Variants in YPEL1 observed in about 807,000 individuals in gnomAD.
YPEL1 encodes yippee like 1, also known as protein yippee-like 1.
YPEL1 carries 7 observed loss-of-function variants against 17.3 expected under a neutral mutation model. The observed-to-expected ratio is 0.40, with a 90% CI of 0.23 to 0.76. The LOEUF (loss-of-function observed/expected upper bound fraction) is 0.76. YPEL1 is among the 30% of genes least tolerant of loss of function. The probability of loss-of-function intolerance (pLI) is 0.35; values close to 1 mark genes in which losing one functional copy is unlikely to be tolerated. For synonymous variants in YPEL1, 59 were observed against 59.6 expected (o/e 0.99, Z 0.05); for missense variants, 91 against 155.5 (o/e 0.59, Z 2.21).
At chr22:21,731,705 G>A (rs1165949773) in intron 1 of YPEL1, among the ~76,000 whole-genome samples, 1 of 152,160 alleles carries the variant, frequency 6.6e-6, no homozygotes, top group Non-Finnish European at 1.5e-5. Flanking sequence ...CCAGGACAAA[G>A]GTGAAAGAGG....
rs562429138 is a variant in YPEL1, at chr22:21,701,321, T to C, written c.271-103A>G. 407 of 815,020 alleles carry C rather than the reference T, an allele frequency of 5.0e-4. 1 individual carries two copies. In the African/African-American group the frequency reaches 6.4e-3, roughly 13 times the overall value. 50.5% of individuals were successfully genotyped at this position (815,020 alleles called of 1,614,324 possible). On this transcript the variant is annotated intron_variant, in intron 4 of 4. Transcript: ENST00000339468. ...CCCCAAGTCTATACTATGAACTATA[T>C]ACCCAGATGTTCCCTGAGCGGTGCA...
Position 21,703,239 on chromosome 22 carries a change from C to G in YPEL1, c.270+131G>C. 1.3e-6 allele frequency: 1 copy of G among 769,208 alleles called. No homozygotes were observed. Among genetic ancestry groups the G allele is most frequent in the Non-Finnish European group, 2.2e-6 (1 of 459,566 alleles). The allele number at this position is 769,208 out of a possible 1,614,324, so 47.6% of individuals were successfully genotyped here. On this transcript the variant is annotated intron_variant, in intron 4 of 4. Transcript: ENST00000339468. The surrounding 1 kb of genome is among the most constrained non-coding windows in gnomAD (Gnocchi z 6.1). ...TCACTGGAGTCTGGACTTCCCACCT[C>G]GGCTGAGGAACTGGGGTTTCTGAAA...
chr22:21,704,484 C>T (rs2068097626), intron 2 of YPEL1, among the ~76,000 whole-genome samples: 1 of 152,090 alleles, frequency 6.6e-6, no homozygotes, highest in Non-Finnish European at 1.5e-5. Flanking sequence ...TGGTGAAACC[C>T]TGTCTCTACT....
At chr22:21,702,783 G>A (rs1489879807) in intron 4 of YPEL1, among the ~76,000 whole-genome samples, 4 of 152,184 alleles carry the variant, frequency 2.6e-5, no homozygotes, top group South Asian at 2.1e-4. Context: ...TCAGGGCAGC[G>A]TAGAGGAGGG....
intron 4 of YPEL1, among the ~76,000 whole-genome samples, chr22:21,701,534 G>A (rs1218974332): frequency 2.6e-5 from 4 of 152,188 alleles, no homozygotes; most frequent in Non-Finnish European, 5.9e-5. Flanking sequence ...GCAATGGTCT[G>A]GTCATAGCTC....
At chr22:21,726,866 C>A (rs2068340933) in intron 1 of YPEL1, among the ~76,000 whole-genome samples, 1 of 152,188 alleles carries the variant, frequency 6.6e-6, no homozygotes, top group Non-Finnish European at 1.5e-5. Context: ...CTGAGTGTCA[C>A]ACATCCCCAG....
chr22:21,714,930 T>C (rs550811924), intron 1 of YPEL1, among the ~76,000 whole-genome samples: 82 of 152,282 alleles, frequency 5.4e-4, no homozygotes, highest in Non-Finnish European at 8.5e-4. Context: ...CCTTACTGAT[T>C]CGTAGGAGTA....
intron 1 of YPEL1, among the ~76,000 whole-genome samples, chr22:21,732,040 G>A (rs1297789613): frequency 6.6e-6 from 1 of 152,246 alleles, no homozygotes; most frequent in African/African-American, 2.4e-5. Flanking sequence ...GCAATGGGGT[G>A]AATAACGGCT....
chr22:21,717,247 C>CACG (rs1569062709), intron 1 of YPEL1, among the ~76,000 whole-genome samples: 1 of 151,758 alleles, frequency 6.6e-6, no homozygotes, highest in African/African-American at 2.4e-5. Context: ...GTGGTGGTGT[C>CACG]TGCCTGTAGT....
intron 1 of YPEL1, among the ~76,000 whole-genome samples, chr22:21,730,167 A>T (rs945896514): frequency 1.3e-5 from 2 of 152,030 alleles, no homozygotes; most frequent in Non-Finnish European, 1.5e-5. Flanking sequence ...AAGCAACAAC[A>T]ACAACAAAGT....
At chr22:21,706,448 A>G (rs1260018513) in intron 2 of YPEL1, among the ~76,000 whole-genome samples, 1 of 152,094 alleles carries the variant, frequency 6.6e-6, no homozygotes, top group African/African-American at 2.4e-5. Context: ...AAAAAAAAAA[A>G]AAGAAAAAAA....
chr22:21,702,640 A>T (rs1013262709), intron 4 of YPEL1, among the ~76,000 whole-genome samples: 4 of 151,952 alleles, frequency 2.6e-5, no homozygotes, highest in Non-Finnish European at 4.4e-5. Context: ...AACAACAACA[A>T]CTGGGGAAGG....
At chr22:21,709,520 A>G (rs2068144945) in intron 2 of YPEL1, among the ~76,000 whole-genome samples, 1 of 152,212 alleles carries the variant, frequency 6.6e-6, no homozygotes, top group Non-Finnish European at 1.5e-5. Context: ...TCACACCTAT[A>G]ATCCCAGCAC....
chr22:21,706,438 A>G lies in YPEL1; in HGVS notation c.118-2556T>C, dbSNP rs1021668562. 7.5e-5 allele frequency among the ~76,000 whole-genome samples: 11 copies of G among 147,156 alleles called. 1 individual carries two copies. The highest frequency in any genetic ancestry group is 6.8e-4 in the Admixed American group (10 of 14,768). On this transcript the variant is annotated intron_variant, in intron 2 of 4. Coordinates refer to ENST00000339468, the MANE Select transcript of YPEL1 (RefSeq NM_013313.5). ...CTACCGAGTCAGGCTCCGTCTCACA[A>G]AAAAAAAAAAAAGAAAAAAAAATTT...
At chr22:21,701,276 ACT>A in intron 4 of YPEL1, 58 bp from the exon 5 acceptor site, 1 of 1,416,004 alleles carries the variant, frequency 7.1e-7, no homozygotes, top group Non-Finnish European at 9.9e-7. Context: ...CAATTTCATC[ACT>A]CTTTTGGCAA....
intron 2 of YPEL1, among the ~76,000 whole-genome samples, chr22:21,704,483 C>A (rs2068097607): frequency 6.6e-6 from 1 of 152,032 alleles, no homozygotes; most frequent in Non-Finnish European, 1.5e-5. Flanking sequence ...ATGGTGAAAC[C>A]CTGTCTCTAC....
chr22:21,710,908 C>G lies in YPEL1; in HGVS notation c.-164G>C. On this transcript the variant is annotated splice_region_variant and 5_prime_UTR_variant, in exon 2 of 5. Coordinates refer to ENST00000339468, the MANE Select transcript of YPEL1 (RefSeq NM_013313.5). ...CAGCTGGGACGAGAGAAAAACGTAA[C>G]CTGCCAACCAATCAGACAAAGTGGT... is the stretch of plus-strand genomic sequence containing the variant. 1 of 673,046 alleles carries G rather than the reference C, an allele frequency of 1.5e-6. No individual in the cohort carries two copies. The highest frequency in any genetic ancestry group is 2.7e-6 in the Non-Finnish European group (1 of 373,024). 41.7% of individuals were successfully genotyped at this position (673,046 alleles called of 1,614,324 possible). A position where few individuals can be genotyped will look rare whatever the true frequency, so the allele number is the denominator to read the frequency against.
intron 2 of YPEL1, 177 bp downstream of exon 2, chr22:21,710,451 G>A: frequency 1.6e-6 from 1 of 637,772 alleles, no homozygotes. Context: ...CTGAGATCGT[G>A]GCACAGCCAC....
chr22:21,709,817 C>T (rs8137977), intron 2 of YPEL1, among the ~76,000 whole-genome samples: 13,784 of 146,740 alleles, frequency 0.094, 883 homozygotes, highest in East Asian at 0.32. Flanking sequence ...AGGTAATGAT[C>T]CGTGAGGATG....
Sources: gnomAD v4.1 joint callset for allele counts (sites outside exome capture counted in the v4.1 genomes callset) on GRCh38, gnomAD v4.1.1 for gene constraint, Gnocchi (gnomAD v3.1) non-coding constraint, MANE v1.5 for transcripts, NCBI Gene and HGNC (gene_info 2026-07-23, HGNC 2026-07-21) for gene names.